CACNA1G: variants seen among roughly 807,000 people sequenced by gnomAD.
The protein encoded by CACNA1G is voltage-dependent T-type calcium channel subunit alpha-1G.
A neutral mutation model predicts 219.4 loss-of-function variants in CACNA1G; 67 were observed. The observed-to-expected ratio is 0.31, with a 90% CI of 0.25 to 0.37. The LOEUF is 0.37. CACNA1G is among the 10% of genes least tolerant of loss of function. The probability of loss-of-function intolerance (pLI) is 1.00; values close to 1 mark genes in which losing one functional copy is unlikely to be tolerated. For missense variants in CACNA1G, 2,380 were observed against 3,231.4 expected, an observed-to-expected ratio of 0.74 and a Z score of 6.39; for synonymous variants, 1,296 against 1,345.3, an observed-to-expected ratio of 0.96 and a Z score of 0.80.
rs774411281 is a variant in CACNA1G at position 50,626,849 on chromosome 17, C to T, written c.*98C>T. On this transcript the variant is annotated 3_prime_UTR_variant, in exon 38 of 38. Transcript: ENST00000359106. This position sits in a 1 kb window ranked among gnomAD's most constrained non-coding sequence, Gnocchi z 4.3. ...CCTGACAAAAGTTCCATATAGACAC[C>T]AAGGAGGCGGAGGCGCTCCTCCCTG... is the stretch of plus-strand genomic sequence containing the variant. 1 of 1,506,078 alleles carries T rather than the reference C, an allele frequency of 6.6e-7. No homozygotes were observed. The allele number at this position is 1,506,078 out of a possible 1,614,324, so 93.3% of individuals were successfully genotyped here.
At position 50,626,230 on chromosome 17, in the gene CACNA1G, G is replaced by C. The variant is rs761840932; in HGVS notation, c.6613G>C (p.Gly2205Arg). 1 of 1,613,800 alleles carries C rather than the reference G, an allele frequency of 6.2e-7. No individual in the cohort carries two copies. The highest frequency in any genetic ancestry group is 1.1e-5 in the South Asian group (1 of 91,084). The change falls in exon 38 of 38, where the codon GGC (glycine) becomes CGC (arginine). Residue 2205 changes from glycine (G) to arginine (R), a missense_variant. Around this residue, in one of 17 missense-constraint regions of CACNA1G, gnomAD observed 672 missense variants for 670.5 expected, o/e 1.00. Transcript: ENST00000359106. This position sits in a 1 kb window ranked among gnomAD's most constrained non-coding sequence, Gnocchi z 4.3. ...APCPGPEPNW[G>R]KGPPETRSSL... Reference sequence around the variant, plus strand: ...TTGCCCAGGCCCAGAACCCAACTGGGGCAAGGGCCCTCCAGAGACCAGAAG... The same window carrying C: ...TTGCCCAGGCCCAGAACCCAACTGGCGCAAGGGCCCTCCAGAGACCAGAAG...
chr17:50,616,122 G>A (rs1407272884), intron 27 of CACNA1G, among the ~76,000 whole-genome samples, 153 bp from the exon 28 acceptor site: 1 of 152,164 alleles, frequency 6.6e-6, no homozygotes, highest in African/African-American at 2.4e-5. Context: ...GGGTTTGGTG[G>A]CTAATGGCCA....
chr17:50,606,346 G>A, intron 23 of CACNA1G: 1 of 629,812 alleles, frequency 1.6e-6, no homozygotes, highest in Non-Finnish European at 2.9e-6. Flanking sequence ...AGCCCTGGAT[G>A]TGAATCCTGT....
In CACNA1G at chr17:50,571,860, TG is replaced by T. The variant is rs763230401; in HGVS notation, c.587-16del. On this transcript the variant is annotated splice_polypyrimidine_tract_variant and intron_variant, in intron 4 of 37. Transcript: ENST00000359106. This position sits in a 1 kb window ranked among gnomAD's most constrained non-coding sequence, Gnocchi z 4.3. ...CCCGGCCAGCCTGGTGTCCCCAGCG[TG>T]GCTTCTGCCCCCACAGGCATGCGCA... The T allele has an allele frequency of 2.5e-6, 4 of 1,612,752 alleles. No individual in the cohort carries two copies. Among genetic ancestry groups the T allele is most frequent in the Non-Finnish European group, 3.4e-6 (4 of 1,179,694 alleles).
rs544282434 is a variant in CACNA1G at position 50,621,155 on chromosome 17, G to T, written c.5926-505G>T. On this transcript the variant is annotated intron_variant, in intron 34 of 37. Coordinates refer to ENST00000359106, the MANE Select transcript of CACNA1G (RefSeq NM_018896.5). This position sits in a 1 kb window ranked among gnomAD's most constrained non-coding sequence, Gnocchi z 4.6. ...AAGTCCTGCCAGGCTGTTGGAAGCC[G>T]AGAGAATAGGCAGAAAACAGCCGTC... Among the ~76,000 whole-genome samples the T allele has an allele frequency of 6.6e-6, 1 of 152,230 alleles. No homozygotes were observed. The highest frequency in any genetic ancestry group is 6.5e-5 in the Admixed American group (1 of 15,284).
Position 50,571,912 on chromosome 17 carries a change from G to A in CACNA1G, c.621G>A (p.Thr207=), listed in dbSNP as rs556944469. The change falls in exon 5 of 38, where the codon ACG becomes ACA. Residue 207 remains threonine, a synonymous_variant. Coordinates refer to ENST00000359106, the MANE Select transcript of CACNA1G (RefSeq NM_018896.5). The surrounding 1 kb of genome is among the most constrained non-coding windows in gnomAD (Gnocchi z 4.3). Reference sequence around the variant, plus strand: ...TCCTTGTCACGTTGCTGCTGGATACGCTGCCCATGCTGGGCAACGTCCTGC... The same window carrying A: ...TCCTTGTCACGTTGCTGCTGGATACACTGCCCATGCTGGGCAACGTCCTGC... ...MRILVTLLLD[T]LPMLGNVLLL... is the part of the protein sequence containing the mutation. The A allele has an allele frequency of 2.0e-5, 32 of 1,613,738 alleles. No homozygotes were observed. Among genetic ancestry groups the A allele is most frequent in the Non-Finnish European group, 2.5e-5 (29 of 1,179,842 alleles).
At chr17:50,615,884 T>C (rs1218830171) in intron 27 of CACNA1G, among the ~76,000 whole-genome samples, 2 of 152,222 alleles carry the variant, frequency 1.3e-5, no homozygotes, top group African/African-American at 4.8e-5. Flanking sequence ...AGCTCACCTG[T>C]GACCTTGCCA....
intron 37 of CACNA1G, among the ~76,000 whole-genome samples, chr17:50,624,955 C>CTTTTTTTTTTTTTTTTTTT (rs3986415): frequency 8.5e-6 from 1 of 117,546 alleles, no homozygotes. Flanking sequence ...AGCCCAGATT[C>CTTTTTTTTTTTTTTTTTTT]TTTTTTTTTT....
At position 50,566,506 on chromosome 17, in the gene CACNA1G, T is replaced by C. The variant is rs1264708864; in HGVS notation, c.243-2364T>C. ...GATCAAGAGCTGTGCATGAGGTTAT[T>C]CGGGGGCAGGCTTTGCCTGTAAGAG... On this transcript the variant is annotated intron_variant, in intron 1 of 37. Transcript: ENST00000359106. Among the ~76,000 whole-genome samples the C allele has an allele frequency of 2.0e-5, 3 of 152,228 alleles. No individual in the cohort carries two copies. The East Asian group carries it at 5.8e-4, about 29-fold the overall frequency.
At chr17:50,619,402 CTT>C (rs561537314) in intron 33 of CACNA1G, among the ~76,000 whole-genome samples, 112 of 152,296 alleles carry the variant, frequency 7.4e-4, no homozygotes, top group African/African-American at 2.6e-3. Flanking sequence ...TTTATCTTCT[CTT>C]TACCGCTCTC....
chr17:50,625,952 G>T, intron 37 of CACNA1G, 65 bp from the exon 38 acceptor site: 2 of 1,523,974 alleles, frequency 1.3e-6, no homozygotes, highest in South Asian at 2.6e-5. Flanking sequence ...CAGCCAGCTT[G>T]ACAGGAGGGC....
intron 9 of CACNA1G, among the ~76,000 whole-genome samples, chr17:50,579,188 T>C (rs2041371567): frequency 1.3e-5 from 2 of 152,144 alleles, no homozygotes; most frequent in South Asian, 2.1e-4. Context: ...GTTTGAGGAA[T>C]GATTCTAAGA....
chr17:50,617,504 G>A lies in CACNA1G; in HGVS notation c.5088G>A (p.Glu1696=), dbSNP rs753604827. The A allele has an allele frequency of 1.2e-6, 2 of 1,614,020 alleles. No individual in the cohort carries two copies. The highest frequency in any genetic ancestry group is 1.7e-6 in the Non-Finnish European group (2 of 1,179,894). The change falls in exon 29 of 38, where the codon GAG becomes GAA. Residue 1696 remains glutamate, a synonymous_variant. Transcript: ENST00000359106. This position sits in a 1 kb window ranked among gnomAD's most constrained non-coding sequence, Gnocchi z 5.8. ...SIMGITLEEI[E]VNASLPINPT... ...TGGGCATCACGCTGGAGGAAATCGA[G>A]GTCAACGCCTCGCTGCCCATCAACC...
intron 27 of CACNA1G, 73 bp downstream of exon 27, chr17:50,615,585 C>G (rs1399522829): frequency 3.9e-6 from 6 of 1,526,756 alleles, no homozygotes; most frequent in Non-Finnish European, 5.3e-6. Context: ...GTTAACACAG[C>G]CTGAGCCAGG....
In CACNA1G at chr17:50,591,347, G is replaced by A; in HGVS notation, c.2454-88G>A. Reference sequence around the variant, plus strand: ...TTCTCTCGACGTGCCCACCCAGCCAGGCCCTTGGGTGCTACTGAGTCCTCT... The same window carrying A: ...TTCTCTCGACGTGCCCACCCAGCCAAGCCCTTGGGTGCTACTGAGTCCTCT... On this transcript the variant is annotated intron_variant, in intron 10 of 37. Transcript: ENST00000359106. 4 of 1,321,130 alleles carry A rather than the reference G, an allele frequency of 3.0e-6. No homozygotes were observed. The South Asian group carries it at 6.3e-5, about 21-fold the overall frequency. The allele number at this position is 1,321,130 out of a possible 1,614,324, so 81.8% of individuals were successfully genotyped here. A position where few individuals can be genotyped will look rare whatever the true frequency, so the allele number is the denominator to read the frequency against.
chr17:50,581,824 A>C (rs1316180512), intron 9 of CACNA1G, among the ~76,000 whole-genome samples: 1 of 152,254 alleles, frequency 6.6e-6, no homozygotes. Context: ...AGGGCGGTAC[A>C]TGGAGTCCAG....
At chr17:50,581,395 TG>T (rs202103623) in intron 9 of CACNA1G, among the ~76,000 whole-genome samples, 1 of 151,592 alleles carries the variant, frequency 6.6e-6, no homozygotes, top group African/African-American at 2.4e-5. Flanking sequence ...ATCGATTGGA[TG>T]GGGGGGCGGG....
chr17:50,575,729 A>G lies in CACNA1G; in HGVS notation c.1327A>G (p.Ile443Val). 1.3e-6 allele frequency: 2 copies of G among 1,590,040 alleles called. No individual in the cohort carries two copies. The highest frequency in any genetic ancestry group is 8.6e-7 in the Non-Finnish European group (1 of 1,168,300). The change falls in exon 8 of 38, where the codon ATC (isoleucine) becomes GTC (valine). Residue 443 changes from isoleucine to valine, a missense_variant. Physicochemically the swap from Ile to Val is conservative, Grantham distance 29. Coordinates refer to ENST00000359106, the MANE Select transcript of CACNA1G (RefSeq NM_018896.5). ...YEELLKYLVYILRKAARRLAQ... is the reference protein window; with the variant it reads ...YEELLKYLVYVLRKAARRLAQ... ...GGAGCTGCTCAAGTACCTGGTGTAC[A>G]TCCTTCGTAAGGCAGCCCGCAGGCT...
chr17:50,598,670 G>A (rs1255173882), intron 16 of CACNA1G, among the ~76,000 whole-genome samples: 1 of 152,190 alleles, frequency 6.6e-6, no homozygotes, highest in Non-Finnish European at 1.5e-5. Flanking sequence ...ATAACTCATT[G>A]TGGTTTTAAT....
Sources: gnomAD v4.1 joint callset for allele counts (sites outside exome capture counted in the v4.1 genomes callset) on GRCh38, gnomAD v4.1.1 for gene constraint, gnomAD v4.1.1 regional missense constraint, Gnocchi (gnomAD v3.1) non-coding constraint, MANE v1.5 for transcripts, NCBI Gene and HGNC (gene_info 2026-07-23, HGNC 2026-07-21) for gene names.